ACSL6: variants seen among roughly 807,000 people sequenced by gnomAD.
The protein encoded by ACSL6 is long-chain-fatty-acid--CoA ligase 6.
ACSL6 carries 47 observed loss-of-function variants against 98.2 expected under a neutral mutation model. The ratio of observed to expected loss-of-function variants is 0.48; its 90% CI spans 0.38 to 0.61. The LOEUF (loss-of-function observed/expected upper bound fraction) is 0.61. Among genes scored for constraint, ACSL6 ranks in the 20% least tolerant of loss-of-function variants. The pLI is 0.00. For synonymous variants in ACSL6, 362 were observed against 336.9 expected, an observed-to-expected ratio of 1.07 and a Z score of -0.82; for missense variants, 761 against 913.4, an observed-to-expected ratio of 0.83 and a Z score of 2.15.
intron 20 of ACSL6, among the ~76,000 whole-genome samples, chr5:131,959,172 TTGTC>T (rs1396275401): frequency 6.6e-6 from 1 of 152,066 alleles, no homozygotes; most frequent in Non-Finnish European, 1.5e-5. Context: ...ACAAGTAAAC[TTGTC>T]TGCTGAAGCC....
chr5:131,973,013 T>TAAC (rs1168116018), intron 12 of ACSL6, among the ~76,000 whole-genome samples, 155 bp from the exon 13 acceptor site: 3 of 152,142 alleles, frequency 2.0e-5, no homozygotes, highest in Non-Finnish European at 4.4e-5. Context: ...AGCTGAAGGT[T>TAAC]AACACTGCCA....
intron 13 of ACSL6, among the ~76,000 whole-genome samples, chr5:131,972,183 GA>G (rs1201537890): frequency 2.0e-5 from 3 of 152,056 alleles, no homozygotes; most frequent in South Asian, 2.1e-4. Flanking sequence ...AGAGTAGCAA[GA>G]AAAAAATGAA....
Position 131,954,231 on chromosome 5 carries a change from A to T in ACSL6, c.*3T>A. Reference sequence around the variant, plus strand: ...TTACACTGAGAAGAACTTTCCTTGAACTTCACATGGAGATTGAGTAAAGCT... The same window carrying T: ...TTACACTGAGAAGAACTTTCCTTGATCTTCACATGGAGATTGAGTAAAGCT... On this transcript the variant is annotated 3_prime_UTR_variant, in exon 21 of 21. Transcript: ENST00000651883. The T allele has an allele frequency of 6.2e-7, 1 of 1,609,304 alleles. No homozygotes were observed.
At chr5:131,977,782 GTGTTGT>G (rs1419251856) in intron 9 of ACSL6, among the ~76,000 whole-genome samples, 4 of 152,226 alleles carry the variant, frequency 2.6e-5, no homozygotes, top group African/African-American at 9.6e-5. Flanking sequence ...GACTAAGAGA[GTGTTGT>G]ACTCGATGCC....
intron 13 of ACSL6, 35 bp from the exon 14 acceptor site, chr5:131,971,680 A>G (rs1223552445): frequency 1.3e-6 from 2 of 1,556,952 alleles, no homozygotes; most frequent in South Asian, 1.2e-5. Flanking sequence ...AAATTTTGTG[A>G]TGTCTGAGAT....
At chr5:131,990,734 C>G in intron 3 of ACSL6, 119 bp downstream of exon 3, 2 of 885,524 alleles carry the variant, frequency 2.3e-6, no homozygotes, top group Non-Finnish European at 3.6e-6. Context: ...CTTCTCTCCA[C>G]TGAACCTGGG....
chr5:131,995,663 G>A (rs1398565288), intron 1 of ACSL6, among the ~76,000 whole-genome samples: 1 of 152,154 alleles, frequency 6.6e-6, no homozygotes, highest in East Asian at 1.9e-4. Flanking sequence ...CCAATAAATG[G>A]CATTTGTGTT....
At chr5:132,005,414 G>T (rs1246150455) in intron 1 of ACSL6, among the ~76,000 whole-genome samples, 1 of 152,230 alleles carries the variant, frequency 6.6e-6, no homozygotes, top group East Asian at 1.9e-4. Context: ...ACTGACAATT[G>T]TCTTCCTCTC....
At chr5:131,974,639 A>G (rs1580651030) in intron 11 of ACSL6, 26 of 1,163,938 alleles carry the variant, frequency 2.2e-5, no homozygotes, top group Non-Finnish European at 3.0e-5. Flanking sequence ...TCTGACCCCT[A>G]TGGTACCTTC....
intron 1 of ACSL6, among the ~76,000 whole-genome samples, chr5:132,005,181 G>A (rs117644606): frequency 5.9e-5 from 9 of 152,274 alleles, no homozygotes; most frequent in East Asian, 1.9e-4. Context: ...AAAAAAATGC[G>A]TGAGTTGAAG....
chr5:131,976,791 G>T, intron 9 of ACSL6, 70 bp from the exon 10 acceptor site: 1 of 1,342,588 alleles, frequency 7.4e-7, no homozygotes, highest in Non-Finnish European at 1.1e-6. Flanking sequence ...CAGTGCCCAA[G>T]TTGGCAGTCC....
rs1466070311 is a variant in ACSL6 at position 131,994,500 on chromosome 5, G to A, written c.50-249C>T. The A allele has an allele frequency of 9.1e-5, 46 of 506,238 alleles. 1 individual carries two copies. Among genetic ancestry groups the A allele is most frequent in the Middle Eastern group, 1.1e-3 (2 of 1,870 alleles). The allele number at this position is 506,238 out of a possible 1,614,324, so 31.4% of individuals were successfully genotyped here. A position where few individuals can be genotyped will look rare whatever the true frequency, so the allele number is the denominator to read the frequency against. On this transcript the variant is annotated intron_variant, in intron 1 of 20. Transcript: ENST00000651883. ...CTTTTCCTGAGAATCATACGCTCAG[G>A]CCCTGGGCCATGGCTGACAGCTGCT...
intron 1 of ACSL6, among the ~76,000 whole-genome samples, chr5:131,995,173 G>T (rs906867457): frequency 6.6e-6 from 1 of 152,154 alleles, no homozygotes; most frequent in South Asian, 2.1e-4. Flanking sequence ...CATGGCAGAT[G>T]CCCTGGGGTA....
chr5:131,994,186 C>G lies in ACSL6; in HGVS notation c.115G>C (p.Glu39Gln), dbSNP rs1447227527. The part of the protein sequence containing the change: ...QEILRILRLP[E>Q]LGDLGQFFRS... Reference sequence around the variant, plus strand: ...AAAAACTGTCCCAAGTCACCTAGCTCAGGCAGTCGCAGTATCCTCAGGATC... The same window carrying G: ...AAAAACTGTCCCAAGTCACCTAGCTGAGGCAGTCGCAGTATCCTCAGGATC... Residue 39 changes from glutamate (E) to glutamine (Q), a missense_variant, in exon 2 of 21, where the codon GAG becomes CAG. By Grantham distance (29) the Glu-to-Gln change is conservative (BLOSUM62 2). Transcript: ENST00000651883. The G allele has an allele frequency of 2.5e-6, 4 of 1,614,178 alleles. No homozygotes were observed. The highest frequency in any genetic ancestry group is 3.4e-6 in the Non-Finnish European group (4 of 1,180,020).
chr5:131,954,363 G>A lies in ACSL6; in HGVS notation c.2040C>T (p.Ala680=). 1.2e-6 allele frequency: 2 copies of A among 1,611,124 alleles called. No individual in the cohort carries two copies. Among genetic ancestry groups the A allele is most frequent in the South Asian group, 1.1e-5 (1 of 90,330 alleles). The change falls in exon 21 of 21, where the codon GCC becomes GCT. Residue 680 remains alanine, a synonymous_variant. Coordinates refer to ENST00000651883, the MANE Select transcript of ACSL6 (RefSeq NM_001009185.3). Reference sequence around the variant, plus strand: ...AGAACATGTCAGAATGGATGTGAATGGCTTTAACCTAAAAACCAAATGCAG... The same window carrying A: ...AGAACATGTCAGAATGGATGTGAATAGCTTTAACCTAAAAACCAAATGCAG... ...SGLHSFEQVK[A]IHIHSDMFSV...
At chr5:131,970,693 G>A (rs972619736) in intron 14 of ACSL6, among the ~76,000 whole-genome samples, 11 of 152,184 alleles carry the variant, frequency 7.2e-5, no homozygotes, top group African/African-American at 2.7e-4. Context: ...ATAGGCGTGA[G>A]AAGTGCTATT....
chr5:131,996,744 T>C (rs1754813258), intron 1 of ACSL6, among the ~76,000 whole-genome samples: 1 of 152,218 alleles, frequency 6.6e-6, no homozygotes, highest in South Asian at 2.1e-4. Context: ...TTTCAACGCA[T>C]CTGGCAGACC....
At chr5:131,964,205 T>C (rs952293538) in intron 17 of ACSL6, among the ~76,000 whole-genome samples, 2 of 152,210 alleles carry the variant, frequency 1.3e-5, no homozygotes, top group Non-Finnish European at 2.9e-5. Flanking sequence ...TAGGGTTGTA[T>C]ATAAAAGGAA....
At chr5:131,973,424 A>G (rs1316701342) in intron 11 of ACSL6, 24 bp from the exon 12 acceptor site, 45 of 1,612,508 alleles carry the variant, frequency 2.8e-5, no homozygotes, top group Non-Finnish European at 3.8e-5. Flanking sequence ...ACAGGAAGGG[A>G]GGAGTCCCTT....
Sources: gnomAD v4.1 joint callset for allele counts (sites outside exome capture counted in the v4.1 genomes callset) on GRCh38, gnomAD v4.1.1 for gene constraint, MANE v1.5 for transcripts, NCBI Gene and HGNC (gene_info 2026-07-23, HGNC 2026-07-21) for gene names.